Variants in USP48 observed in about 807,000 individuals in gnomAD.
USP48 encodes ubiquitin carboxyl-terminal hydrolase 48.
Under a neutral mutation model 150.7 loss-of-function variants are expected in USP48, and 43 were observed. That is an observed-to-expected ratio of 0.29 (90% CI 0.22 to 0.37). The LOEUF (loss-of-function observed/expected upper bound fraction) is 0.37. Ranked by LOEUF, USP48 falls within the 10% of genes least tolerant of loss-of-function variation. USP48 has a pLI of 1.00. For synonymous variants in USP48, 396 were observed against 425.9 expected, an observed-to-expected ratio of 0.93 and a Z score of 0.86; for missense variants, 813 against 1,249.6, an observed-to-expected ratio of 0.65 and a Z score of 5.27.
chr1:21,755,662 C>T (rs939773196), intron 3 of USP48, among the ~76,000 whole-genome samples: 14 of 152,152 alleles, frequency 9.2e-5, no homozygotes, highest in African/African-American at 3.4e-4. Context: ...TTGTGGCTTT[C>T]AGCAAGTCAA....
chr1:21,726,598 T>C (rs1344133524), intron 11 of USP48: 1 of 152,190 alleles, frequency 6.6e-6, no homozygotes, highest in Admixed American at 6.5e-5. Context: ...TCAGTCTCTA[T>C]CATCATAAAG....
In USP48 at chr1:21,683,217, T is replaced by C. The variant is rs6676066; in HGVS notation, c.3059-2383A>G. On this transcript the variant is annotated intron_variant, in intron 25 of 26. Transcript: ENST00000308271. Reference sequence around the variant, plus strand: ...AGGCGGAGGTTGCAGTGAGCCATACTGCACTTCAGCCTTTTGAGACTCCAT... The same window carrying C: ...AGGCGGAGGTTGCAGTGAGCCATACCGCACTTCAGCCTTTTGAGACTCCAT... 1.0e-3 allele frequency among the ~76,000 whole-genome samples: 155 copies of C among 152,262 alleles called. 1 individual carries two copies. Among genetic ancestry groups the C allele is most frequent in the African/African-American group, 3.6e-3 (150 of 41,536 alleles).
chr1:21,714,162 C>G (rs1232161183), intron 15 of USP48, among the ~76,000 whole-genome samples: 1 of 152,170 alleles, frequency 6.6e-6, no homozygotes, highest in Non-Finnish European at 1.5e-5. Context: ...TCATTAGGAT[C>G]AACAGGAGTC....
Position 21,695,137 on chromosome 1 carries a change from G to T in USP48, c.2812C>A (p.His938Asn). The part of the protein sequence containing the change: ...QKQVIRRSMR[H>N]RKVRGEKALL... ...GCTTTCTCACCACGAACTTTTCTAT[G>T]TCGCATACTTCGGCGAATAACTTGC... Residue 938 changes from histidine (H) to asparagine (N), a missense_variant, in exon 23 of 27, where the codon CAT becomes AAT. His to Asn is a moderately conservative substitution (Grantham distance 68). Transcript: ENST00000308271. The T allele has an allele frequency of 6.2e-7, 1 of 1,613,668 alleles. No homozygotes were observed. The highest frequency in any genetic ancestry group is 8.5e-7 in the Non-Finnish European group (1 of 1,179,884).
Position 21,757,667 on chromosome 1 carries a change from T to A in USP48, c.251A>T (p.Lys84Ile). 1 of 1,605,032 alleles carries A rather than the reference T, an allele frequency of 6.2e-7. No homozygotes were observed. Among genetic ancestry groups the A allele is most frequent in the Non-Finnish European group, 8.5e-7 (1 of 1,177,776 alleles). Residue 84 changes from lysine to isoleucine, a missense_variant, in exon 2 of 27, where the codon AAA becomes ATA. Lys to Ile is a moderately radical substitution (Grantham distance 102). Coordinates refer to ENST00000308271, the MANE Select transcript of USP48 (RefSeq NM_032236.8). ...GCTTAAAAAATGATGGTTTACCTTT[T>A]TTCTCCTCTCACAGTTGGGATCATC... ...NIDDPNCERR[K>I]KNSFVGLTNL...
At chr1:21,752,685 ATCTTGCTTTTCAACT>A in intron 4 of USP48, 34 bp from the exon 5 acceptor site, 1 of 1,566,152 alleles carries the variant, frequency 6.4e-7, no homozygotes, top group Non-Finnish European at 8.6e-7. Context: ...GAAAAATCAT[ATCTTGCTTTTCAACT>A]TCTACTACAA....
rs72877978 is a variant in USP48, at chr1:21,747,009, C to T, written c.991+58G>A. 4.2e-4 allele frequency: 571 copies of T among 1,350,386 alleles called. 1 individual carries two copies. The African/African-American group carries it at 7.0e-3, about 17-fold the overall frequency. The allele number at this position is 1,350,386 out of a possible 1,614,324, so 83.7% of individuals were successfully genotyped here. On this transcript the variant is annotated intron_variant, in intron 8 of 26. Transcript: ENST00000308271. The stretch of plus-strand genomic sequence containing the variant: ...CTGCTATTCTATATTAATCACAAGC[C>T]GATCACAAGTTAGAGTCTCTGAGCA...
At position 21,732,305 on chromosome 1, in the gene USP48, G is replaced by A. The variant is rs148880503; in HGVS notation, c.1172-2473C>T. Among the ~76,000 whole-genome samples the A allele has an allele frequency of 9.7e-4, 148 of 152,182 alleles. No individual in the cohort carries two copies. In the Middle Eastern group the frequency reaches 0.01, roughly 10 times the overall value. ...AAAACAAAAAAAGAGGTTATGGGCAGTTCTAAGGAAATCCAGTTACCAGAT... is the reference window on the plus strand; with the variant it reads ...AAAACAAAAAAAGAGGTTATGGGCAATTCTAAGGAAATCCAGTTACCAGAT... On this transcript the variant is annotated intron_variant, in intron 9 of 26. Coordinates refer to ENST00000308271, the MANE Select transcript of USP48 (RefSeq NM_032236.8).
chr1:21,731,456 G>A (rs1369733430), intron 9 of USP48, among the ~76,000 whole-genome samples: 2 of 151,356 alleles, frequency 1.3e-5, no homozygotes, highest in Non-Finnish European at 3.0e-5. Context: ...TGGAGATGAG[G>A]ATTTACCACG....
intron 8 of USP48, among the ~76,000 whole-genome samples, chr1:21,743,908 A>C (rs1204666596): frequency 6.6e-6 from 1 of 152,172 alleles, no homozygotes; most frequent in South Asian, 2.1e-4. Flanking sequence ...TAAGGCACTG[A>C]GTAAGGGCTG....
intron 2 of USP48, 85 bp downstream of exon 2, chr1:21,757,578 A>C: frequency 1.4e-6 from 2 of 1,463,010 alleles, no homozygotes; most frequent in Non-Finnish European, 1.8e-6. Flanking sequence ...AAATCAGTAG[A>C]GTTTTCTGAT....
intron 10 of USP48, among the ~76,000 whole-genome samples, chr1:21,729,281 CAAA>C (rs57704127): frequency 8.9e-5 from 8 of 90,392 alleles, no homozygotes; most frequent in East Asian, 2.8e-4. Context: ...GACTCCGCCT[CAAA>C]AAAAAAAAAA....
intron 15 of USP48, among the ~76,000 whole-genome samples, chr1:21,710,719 G>A (rs1039698676): frequency 6.6e-6 from 1 of 151,508 alleles, no homozygotes; most frequent in African/African-American, 2.4e-5. Context: ...TTAAATCAAG[G>A]ACTTTCCAGG....
At chr1:21,733,630 G>C (rs1269590443) in intron 9 of USP48, among the ~76,000 whole-genome samples, 2 of 152,008 alleles carry the variant, frequency 1.3e-5, no homozygotes, top group East Asian at 3.9e-4. Flanking sequence ...ATACCAATGG[G>C]TGTTAAGTAT....
At position 21,748,140 on chromosome 1, in the gene USP48, G is replaced by A. The variant is rs1436731472; in HGVS notation, c.906C>T (p.Asp302=). The change falls in exon 7 of 27, where the codon GAC becomes GAT. Residue 302 remains aspartate, a splice_region_variant and synonymous_variant. Transcript: ENST00000308271. ...LNLQLMRFVF[D]RQTGHKKKLN... The stretch of plus-strand genomic sequence containing the variant: ...CACTAATATTTGCACACATTTACCT[G>A]TCAAAGACAAAACGCATTAGCTGCA... The A allele has an allele frequency of 5.6e-6, 9 of 1,613,214 alleles. No homozygotes were observed. Among genetic ancestry groups the A allele is most frequent in the Non-Finnish European group, 6.8e-6 (8 of 1,179,692 alleles).
At chr1:21,698,457 T>C (rs1483482370) in intron 22 of USP48, among the ~76,000 whole-genome samples, 6 of 152,126 alleles carry the variant, frequency 3.9e-5, no homozygotes, top group Middle Eastern at 3.4e-3. Flanking sequence ...TTTGAAAAAA[T>C]TGCTGTGGTC....
At chr1:21,772,758 CTGAAA>C in intron 1 of USP48, among the ~76,000 whole-genome samples, 1 of 146,078 alleles carries the variant, frequency 6.8e-6, no homozygotes, top group East Asian at 2.1e-4. Flanking sequence ...CCCGTCTCTA[CTGAAA>C]ATACAAATGT....
intron 2 of USP48, among the ~76,000 whole-genome samples, chr1:21,757,295 T>C (rs2097839076): frequency 1.3e-5 from 2 of 152,186 alleles, no homozygotes; most frequent in African/African-American, 4.8e-5. Context: ...AGCAAAATTA[T>C]ATATAAAATA....
At chr1:21,763,099 A>T (rs1361286691) in intron 1 of USP48, among the ~76,000 whole-genome samples, 1 of 152,184 alleles carries the variant, frequency 6.6e-6, no homozygotes, top group Admixed American at 6.5e-5. Flanking sequence ...CAAAAGGCAA[A>T]CACAACCTAT....
Sources: allele counts gnomAD v4.1 joint callset (sites outside exome capture counted in the v4.1 genomes callset), GRCh38; gene constraint gnomAD v4.1.1; transcripts MANE v1.5; gene names NCBI Gene and HGNC (gene_info 2026-07-23, HGNC 2026-07-21).